ARHGAP15: variants seen among roughly 807,000 people sequenced by gnomAD.
The protein encoded by ARHGAP15 is rho GTPase-activating protein 15.
ARHGAP15 carries 51 observed loss-of-function variants against 63.7 expected under a neutral mutation model. That is an observed-to-expected ratio of 0.80 (90% CI 0.64 to 1.01). The LOEUF (loss-of-function observed/expected upper bound fraction) is 1.01. ARHGAP15 is among the 50% of genes least tolerant of loss of function. The pLI, the probability that ARHGAP15 is intolerant of heterozygous loss-of-function variation, is 0.00. For synonymous variants in ARHGAP15, 191 were observed against 193.8 expected, an observed-to-expected ratio of 0.99 and a Z score of 0.12; for missense variants, 560 against 564.6, an observed-to-expected ratio of 0.99 and a Z score of 0.08.
intron 11 of ARHGAP15, among the ~76,000 whole-genome samples, chr2:143,599,114 C>T (rs1697653046): frequency 6.6e-6 from 1 of 152,028 alleles, no homozygotes; most frequent in Admixed American, 6.6e-5. Context: ...GGCCTATGTA[C>T]TTTCTTAAAA....
intron 6 of ARHGAP15, among the ~76,000 whole-genome samples, chr2:143,414,020 G>A (rs1269678712): frequency 2.0e-5 from 3 of 148,100 alleles, no homozygotes; most frequent in South Asian, 4.4e-4. Context: ...TGCCTGAAAC[G>A]TTTTGCTTGA....
chr2:143,358,811 T>C (rs1227389393), intron 6 of ARHGAP15, among the ~76,000 whole-genome samples: 1 of 151,658 alleles, frequency 6.6e-6, no homozygotes, highest in Non-Finnish European at 1.5e-5. Flanking sequence ...GTGAATGGAG[T>C]TCATCATCAA....
intron 11 of ARHGAP15, among the ~76,000 whole-genome samples, chr2:143,561,573 T>A (rs947972198): frequency 1.3e-5 from 2 of 151,236 alleles, no homozygotes; most frequent in African/African-American, 4.9e-5. Flanking sequence ...TGGAGTGCAG[T>A]GGTGTGATCT....
At chr2:143,339,077 A>G (rs889432647) in intron 6 of ARHGAP15, among the ~76,000 whole-genome samples, 4 of 152,120 alleles carry the variant, frequency 2.6e-5, no homozygotes, top group Non-Finnish European at 2.9e-5. Context: ...AATGCCCATT[A>G]TATGTCAGAC....
intron 6 of ARHGAP15, among the ~76,000 whole-genome samples, chr2:143,395,413 G>A (rs1687715691): frequency 6.6e-6 from 1 of 152,138 alleles, no homozygotes; most frequent in Non-Finnish European, 1.5e-5. Context: ...GGTGTTTGTG[G>A]TCTAAATCAA....
intron 6 of ARHGAP15, chr2:143,295,653 G>A (rs1394654314): frequency 1.3e-5 from 2 of 151,956 alleles, no homozygotes; most frequent in African/African-American, 4.8e-5. Flanking sequence ...ACAAAGTTTC[G>A]GGTAGATAAA....
At chr2:143,515,393 T>G (rs1693770055) in intron 9 of ARHGAP15, among the ~76,000 whole-genome samples, 1 of 152,176 alleles carries the variant, frequency 6.6e-6, no homozygotes. Context: ...TAGTGTTGGT[T>G]TAAAAGCTCA....
chr2:143,700,666 TTGAA>T (rs1419137280), intron 12 of ARHGAP15, among the ~76,000 whole-genome samples: 1 of 149,830 alleles, frequency 6.7e-6, no homozygotes, highest in Non-Finnish European at 1.5e-5. Flanking sequence ...TATCCACCTC[TTGAA>T]TGAATATATA....
At chr2:143,666,806 A>G (rs1166918618) in intron 12 of ARHGAP15, among the ~76,000 whole-genome samples, 1 of 149,324 alleles carries the variant, frequency 6.7e-6, no homozygotes, top group Non-Finnish European at 1.5e-5. Context: ...GCAGCCAAAA[A>G]ACACATGAAA....
chr2:143,682,745 T>C (rs1051914663), intron 12 of ARHGAP15: 38 of 152,184 alleles, frequency 2.5e-4, no homozygotes, highest in African/African-American at 8.4e-4. Context: ...AGCTGAAGTA[T>C]TTGAGTTTAC....
intron 6 of ARHGAP15, among the ~76,000 whole-genome samples, chr2:143,253,735 A>AAT (rs746348337): frequency 9.5e-4 from 141 of 148,344 alleles, no homozygotes; most frequent in Non-Finnish European, 1.7e-3. Context: ...ACATGTATAA[A>AAT]ATATATATAC....
At chr2:143,287,406 C>T (rs550897507) in intron 6 of ARHGAP15, among the ~76,000 whole-genome samples, 29 of 152,112 alleles carry the variant, frequency 1.9e-4, no homozygotes, top group Non-Finnish European at 2.9e-4. Flanking sequence ...TGACATCAGC[C>T]TGTCACCCTG....
At chr2:143,304,210 T>A (rs1337049245) in intron 6 of ARHGAP15, among the ~76,000 whole-genome samples, 1 of 152,008 alleles carries the variant, frequency 6.6e-6, no homozygotes, top group East Asian at 1.9e-4. Flanking sequence ...AACCCAAATG[T>A]CCATCAATGA....
intron 6 of ARHGAP15, among the ~76,000 whole-genome samples, chr2:143,305,922 C>T (rs1426758378): frequency 6.6e-6 from 1 of 152,058 alleles, no homozygotes; most frequent in Non-Finnish European, 1.5e-5. Flanking sequence ...CTAGTTAATA[C>T]TATATTCTTT....
intron 6 of ARHGAP15, among the ~76,000 whole-genome samples, chr2:143,358,150 C>T (rs763730541): frequency 1.3e-5 from 2 of 152,186 alleles, no homozygotes; most frequent in African/African-American, 4.8e-5. Flanking sequence ...GGCCCATGCT[C>T]TGCTGGGGAG....
At chr2:143,689,196 A>G (rs1361637830) in intron 12 of ARHGAP15, among the ~76,000 whole-genome samples, 1 of 152,120 alleles carries the variant, frequency 6.6e-6, no homozygotes, top group Non-Finnish European at 1.5e-5. Flanking sequence ...TGGAGTAACA[A>G]TTTGAACTTC....
At chr2:143,602,362 C>T (rs1450464836) in intron 11 of ARHGAP15, among the ~76,000 whole-genome samples, 2 of 152,152 alleles carry the variant, frequency 1.3e-5, no homozygotes, top group African/African-American at 4.8e-5. Flanking sequence ...AAGGATTAAA[C>T]ATATCTCAGA....
At chr2:143,454,440 T>G (rs888430243) in intron 8 of ARHGAP15, among the ~76,000 whole-genome samples, 1 of 152,100 alleles carries the variant, frequency 6.6e-6, no homozygotes, top group East Asian at 1.9e-4. Flanking sequence ...TCACTGTATA[T>G]TTATCTGTTT....
intron 6 of ARHGAP15, among the ~76,000 whole-genome samples, chr2:143,401,150 T>A (rs1000469024): frequency 2.0e-5 from 3 of 152,062 alleles, no homozygotes; most frequent in African/African-American, 7.2e-5. Flanking sequence ...ATATCCTATA[T>A]AAGATATGCT....
Sources: gnomAD v4.1 joint callset for allele counts (sites outside exome capture counted in the v4.1 genomes callset) on GRCh38, gnomAD v4.1.1 for gene constraint, MANE v1.5 for transcripts, NCBI Gene and HGNC (gene_info 2026-07-23, HGNC 2026-07-21) for gene names.